Variants in SOX6 observed in about 807,000 individuals in gnomAD.
The protein encoded by SOX6 is transcription factor SOX-6.
A neutral mutation model predicts 97.8 loss-of-function variants in SOX6; 11 were observed. That is an observed-to-expected ratio of 0.11 (90% CI 0.07 to 0.19). The LOEUF (loss-of-function observed/expected upper bound fraction) is 0.19, where lower values mean the gene tolerates loss of function less well. Ranked by LOEUF, SOX6 falls within the 10% of genes least tolerant of loss-of-function variation. The pLI is 1.00. For missense variants in SOX6, 810 were observed against 1,039.5 expected, an observed-to-expected ratio of 0.78 and a Z score of 3.04; for synonymous variants, 360 against 371.4, an observed-to-expected ratio of 0.97 and a Z score of 0.35.
intron 12 of SOX6, among the ~76,000 whole-genome samples, chr11:16,021,862 C>T (rs1269335083): frequency 6.6e-6 from 1 of 152,092 alleles, no homozygotes; most frequent in East Asian, 1.9e-4. Context: ...GTGCAAAGCC[C>T]TTTCCAATGA....
intron 1 of SOX6, among the ~76,000 whole-genome samples, chr11:16,430,835 G>C (rs1859258293): frequency 6.6e-6 from 1 of 152,172 alleles, no homozygotes. Context: ...TTTTAACACG[G>C]AAGTCAGACC....
intron 3 of SOX6, among the ~76,000 whole-genome samples, chr11:16,625,560 C>T (rs543347560): frequency 6.6e-6 from 1 of 152,292 alleles, no homozygotes; most frequent in East Asian, 1.9e-4. Flanking sequence ...CAAGGTGACT[C>T]CTGATGGGCT....
intron 4 of SOX6, among the ~76,000 whole-genome samples, chr11:16,485,829 G>A (rs1030682790): frequency 6.7e-6 from 1 of 148,586 alleles, no homozygotes; most frequent in East Asian, 2.0e-4. Context: ...AGGAGGTTGG[G>A]GCTGCAGTGA....
At chr11:16,445,525 T>A (rs1017122912) in intron 1 of SOX6, among the ~76,000 whole-genome samples, 3 of 152,206 alleles carry the variant, frequency 2.0e-5, no homozygotes, top group African/African-American at 7.2e-5. Flanking sequence ...CATCTCAATA[T>A]ATCTCATTTA....
At chr11:16,400,969 T>C (rs1452881965) in intron 1 of SOX6, among the ~76,000 whole-genome samples, 1 of 151,554 alleles carries the variant, frequency 6.6e-6, no homozygotes, top group African/African-American at 2.4e-5. Context: ...CTAAACATTA[T>C]AGTCCATATT....
intron 6 of SOX6, among the ~76,000 whole-genome samples, chr11:16,136,351 T>G (rs1336328514): frequency 6.6e-6 from 1 of 150,602 alleles, no homozygotes; most frequent in Non-Finnish European, 1.5e-5. Context: ...GTGGTTTTTT[T>G]TTTTTTTTTT....
intron 1 of SOX6, among the ~76,000 whole-genome samples, chr11:16,393,169 A>T (rs1433581204): frequency 6.6e-6 from 1 of 152,052 alleles, no homozygotes; most frequent in Non-Finnish European, 1.5e-5. Flanking sequence ...CACTCTAGCC[A>T]TCTCAGGACA....
At chr11:16,385,597 A>C (rs1857959261) in intron 1 of SOX6, among the ~76,000 whole-genome samples, 1 of 152,078 alleles carries the variant, frequency 6.6e-6, no homozygotes, top group Admixed American at 6.6e-5. Context: ...TTTCTTTATT[A>C]TTATGTTGGG....
At chr11:16,319,351 A>G (rs1003674681) in intron 2 of SOX6, among the ~76,000 whole-genome samples, 3 of 152,154 alleles carry the variant, frequency 2.0e-5, no homozygotes, top group Non-Finnish European at 4.4e-5. Flanking sequence ...TGTGGCATTT[A>G]AAAATGTCTT....
chr11:16,408,438 A>G (rs567141861), intron 1 of SOX6, among the ~76,000 whole-genome samples: 2 of 152,278 alleles, frequency 1.3e-5, no homozygotes, highest in African/African-American at 4.8e-5. Flanking sequence ...CATTTCACAC[A>G]TATATATTTC....
chr11:16,514,042 G>C (rs1190625979), intron 4 of SOX6, among the ~76,000 whole-genome samples: 12 of 151,748 alleles, frequency 7.9e-5, no homozygotes, highest in Admixed American at 7.9e-4. Context: ...TGAGACCTCC[G>C]TCTCTACAAA....
chr11:16,496,934 C>A (rs11529132), intron 4 of SOX6, among the ~76,000 whole-genome samples: 1 of 152,216 alleles, frequency 6.6e-6, no homozygotes, highest in South Asian at 2.1e-4. Flanking sequence ...CCTCTGCAGA[C>A]TTAAATGTCC....
At chr11:15,994,392 A>G (rs1854158925) in intron 13 of SOX6, among the ~76,000 whole-genome samples, 1 of 151,612 alleles carries the variant, frequency 6.6e-6, no homozygotes, top group South Asian at 2.1e-4. Context: ...AGCAAAGGAC[A>G]TTTTAGGGAA....
intron 2 of SOX6, among the ~76,000 whole-genome samples, chr11:16,334,390 G>A (rs1856397565): frequency 6.6e-6 from 1 of 151,780 alleles, no homozygotes; most frequent in Non-Finnish European, 1.5e-5. Flanking sequence ...TCTTGCCCAA[G>A]GGGGAAAAAA....
intron 3 of SOX6, chr11:16,252,519 C>T (rs1280140933): frequency 6.6e-6 from 1 of 152,216 alleles, no homozygotes; most frequent in Non-Finnish European, 1.5e-5. Context: ...AGGGGATGGC[C>T]ACACTTTGGG....
chr11:16,685,220 T>TA (rs1009161976), intron 3 of SOX6, among the ~76,000 whole-genome samples: 26 of 151,768 alleles, frequency 1.7e-4, no homozygotes, highest in African/African-American at 4.8e-5. Flanking sequence ...AAAAATAAAT[T>TA]AAAAAAAATA....
intron 1 of SOX6, among the ~76,000 whole-genome samples, chr11:16,387,490 T>G (rs926629035): frequency 1.3e-5 from 2 of 151,988 alleles, no homozygotes; most frequent in Non-Finnish European, 2.9e-5. Flanking sequence ...AAGAACCAGA[T>G]AGTGGCAAGC....
chr11:16,728,436 C>A (rs1007167232), intron 2 of SOX6, among the ~76,000 whole-genome samples: 1 of 152,198 alleles, frequency 6.6e-6, no homozygotes, highest in Non-Finnish European at 1.5e-5. Context: ...GCCAGGCAAA[C>A]AGGGTCTGGA....
chr11:15,989,282 G>T, intron 13 of SOX6, 52 bp from the exon 14 acceptor site: 1 of 1,473,016 alleles, frequency 6.8e-7, no homozygotes, highest in Non-Finnish European at 9.2e-7. Context: ...TTATTTTGTG[G>T]ATAATGTCAC....
Sources: allele counts gnomAD v4.1 joint callset (sites outside exome capture counted in the v4.1 genomes callset), GRCh38; gene constraint gnomAD v4.1.1; transcripts MANE v1.5; gene names NCBI Gene and HGNC (gene_info 2026-07-23, HGNC 2026-07-21).